Variants in ZFYVE9 observed in about 807,000 individuals in gnomAD.
ZFYVE9 encodes the protein zinc finger FYVE-type containing 9.
In ZFYVE9, 43 loss-of-function variants were observed where a neutral mutation model predicts 126.7. The ratio of observed to expected loss-of-function variants is 0.34; its 90% CI spans 0.27 to 0.44. The LOEUF is 0.44. ZFYVE9 is among the 20% of genes least tolerant of loss of function. The pLI is 1.00. For missense variants in ZFYVE9, 1,476 were observed against 1,697.0 expected, an observed-to-expected ratio of 0.87 and a Z score of 2.29; for synonymous variants, 521 against 597.4, an observed-to-expected ratio of 0.87 and a Z score of 1.87.
intron 15 of ZFYVE9, among the ~76,000 whole-genome samples, chr1:52,335,990 C>T (rs1241209489): frequency 6.6e-6 from 1 of 152,086 alleles, no homozygotes; most frequent in Non-Finnish European, 1.5e-5. Flanking sequence ...AAAAAACAGC[C>T]AAGCGTGGTG....
intron 2 of ZFYVE9, among the ~76,000 whole-genome samples, chr1:52,231,990 A>G (rs1039700196): frequency 6.6e-6 from 1 of 152,178 alleles, no homozygotes; most frequent in Non-Finnish European, 1.5e-5. Context: ...AAAATGAGGG[A>G]AATATCATTG....
At chr1:52,153,672 G>C (rs74732748) in intron 1 of ZFYVE9, among the ~76,000 whole-genome samples, 1 of 152,218 alleles carries the variant, frequency 6.6e-6, no homozygotes, top group East Asian at 1.9e-4. Flanking sequence ...TCTAGTCCTT[G>C]GACACAAGGA....
chr1:52,211,556 G>T (rs1470061529), intron 1 of ZFYVE9, among the ~76,000 whole-genome samples: 2 of 152,166 alleles, frequency 1.3e-5, no homozygotes, highest in Non-Finnish European at 2.9e-5. Context: ...ACTGAGCCGG[G>T]TACAGTGGTG....
rs1001114620 is a variant in ZFYVE9 at position 52,251,070 on chromosome 1, GTTTTTTGT to G, written c.2178+11480_2178+11487del. Among the ~76,000 whole-genome samples the G allele has an allele frequency of 7.4e-3, 1,099 of 148,550 alleles. 15 individuals carry two copies. The highest frequency in any genetic ancestry group is 0.027 in the African/African-American group (1,059 of 39,424). On this transcript the variant is annotated intron_variant, in intron 4 of 18. Coordinates refer to ENST00000287727, the MANE Select transcript of ZFYVE9 (RefSeq NM_004799.4). ...TTGTTGTTGTTGTTGTTGTTTGTTT[GTTTTTTGT>G]TTTTCTTTTTTGAGATGGAGTCTCG...
Position 52,293,391 on chromosome 1 carries a change from A to AG in ZFYVE9, c.3026-62_3026-61insG, listed in dbSNP as rs2147830341. ...GACTCCGTCTCAAAAAAAAAAAAAA[A>AG]AAAAAAAGAAATATGATTAATTTAT... On this transcript the variant is annotated intron_variant, in intron 10 of 18. Transcript: ENST00000287727. The AG allele has an allele frequency of 3.8e-6, 5 of 1,302,432 alleles. No homozygotes were observed. In the African/African-American group the frequency reaches 4.6e-5, roughly 12 times the overall value. 80.7% of individuals were successfully genotyped at this position (1,302,432 alleles called of 1,614,324 possible). A position where few individuals can be genotyped will look rare whatever the true frequency, so the allele number is the denominator to read the frequency against.
intron 1 of ZFYVE9, among the ~76,000 whole-genome samples, chr1:52,179,336 T>A (rs148229286): frequency 2.1e-4 from 32 of 152,188 alleles, no homozygotes; most frequent in South Asian, 1.2e-3. Context: ...TGAGACTGGA[T>A]TAAAAGTCAC....
intron 6 of ZFYVE9, 70 bp from the exon 7 acceptor site, chr1:52,268,393 T>C: frequency 6.6e-7 from 1 of 1,511,540 alleles, no homozygotes; most frequent in Non-Finnish European, 9.0e-7. Flanking sequence ...TTGGTGACCT[T>C]CTCTTCTTTG....
At chr1:52,313,994 T>A (rs746363056) in intron 13 of ZFYVE9, among the ~76,000 whole-genome samples, 2 of 152,210 alleles carry the variant, frequency 1.3e-5, no homozygotes, top group Non-Finnish European at 2.9e-5. Flanking sequence ...GGCAGCCAAA[T>A]TCTGTAATTG....
intron 10 of ZFYVE9, among the ~76,000 whole-genome samples, chr1:52,284,790 A>G (rs902953230): frequency 2.0e-5 from 3 of 152,164 alleles, no homozygotes; most frequent in Admixed American, 6.5e-5. Flanking sequence ...AAATTTTGAA[A>G]CAACAAAAAT....
chr1:52,167,475 G>A (rs1336082920), intron 1 of ZFYVE9, among the ~76,000 whole-genome samples: 6 of 152,078 alleles, frequency 3.9e-5, no homozygotes, highest in African/African-American at 1.4e-4. Flanking sequence ...CAGCGCATGA[G>A]ATACATATGA....
intron 13 of ZFYVE9, among the ~76,000 whole-genome samples, chr1:52,319,998 A>G (rs1380089360): frequency 1.5e-5 from 2 of 132,848 alleles, no homozygotes; most frequent in African/African-American, 5.4e-5. Context: ...GGTGACAGAG[A>G]GGGGGAGATT....
chr1:52,184,576 A>G (rs1644746978), intron 1 of ZFYVE9, among the ~76,000 whole-genome samples: 1 of 17,310 alleles, frequency 5.8e-5, no homozygotes, highest in Non-Finnish European at 1.0e-4. Flanking sequence ...AGCCTTTTCC[A>G]TTTTTGGGTG....
chr1:52,225,566 C>T (rs1645162831), intron 2 of ZFYVE9, among the ~76,000 whole-genome samples: 2 of 152,170 alleles, frequency 1.3e-5, no homozygotes, highest in East Asian at 3.8e-4. Flanking sequence ...GGTCGGACTG[C>T]ACAATCTAAG....
In ZFYVE9 at chr1:52,250,534, T is replaced by C. The variant is rs77282613; in HGVS notation, c.2178+10939T>C. 1.1e-3 allele frequency among the ~76,000 whole-genome samples: 167 copies of C among 152,286 alleles called. 2 individuals are homozygous for C. Among genetic ancestry groups the C allele is most frequent in the African/African-American group, 3.8e-3 (157 of 41,566 alleles). ...TGTGTTTGCGGGGAATCTTTAAGGT[T>C]TTCTAAATGTAGCATATGTTGTCAG... On this transcript the variant is annotated intron_variant, in intron 4 of 18. Transcript: ENST00000287727.
At chr1:52,274,652 A>G in intron 8 of ZFYVE9, 68 bp downstream of exon 8, 1 of 1,446,656 alleles carries the variant, frequency 6.9e-7, no homozygotes, top group Admixed American at 2.0e-5. Context: ...ATTAAGGTAG[A>G]GAGACAGAAT....
At chr1:52,273,412 C>T (rs973736527) in intron 7 of ZFYVE9, among the ~76,000 whole-genome samples, 1 of 152,176 alleles carries the variant, frequency 6.6e-6, no homozygotes, top group Non-Finnish European at 1.5e-5. Flanking sequence ...AGGAGAGCAT[C>T]ATTTTAATAA....
chr1:52,149,164 G>A (rs1356856945), intron 1 of ZFYVE9, among the ~76,000 whole-genome samples: 11 of 151,222 alleles, frequency 7.3e-5, no homozygotes, highest in African/African-American at 2.2e-4. Flanking sequence ...GGGTTTTGCC[G>A]TGTTGACCAG....
At chr1:52,338,950 C>T (rs984015772) in intron 16 of ZFYVE9, among the ~76,000 whole-genome samples, 18 of 151,998 alleles carry the variant, frequency 1.2e-4, no homozygotes, top group African/African-American at 4.1e-4. Context: ...GCGGAGGTTT[C>T]GGTGAGCCGA....
intron 1 of ZFYVE9, among the ~76,000 whole-genome samples, chr1:52,215,964 A>G (rs1464634811): frequency 1.3e-5 from 2 of 152,236 alleles, no homozygotes; most frequent in Non-Finnish European, 2.9e-5. Context: ...CTACATGTAT[A>G]GAAAAAAAAT....
Sources: allele counts gnomAD v4.1 joint callset (sites outside exome capture counted in the v4.1 genomes callset), GRCh38; gene constraint gnomAD v4.1.1; transcripts MANE v1.5; gene names NCBI Gene and HGNC (gene_info 2026-07-23, HGNC 2026-07-21).